The following TF variants were observed in gnomAD, a reference collection of about 807,000 sequenced individuals.
TF encodes the protein serotransferrin.
Under a neutral mutation model 82.4 loss-of-function variants are expected in TF, and 55 were observed. That is an observed-to-expected ratio of 0.67 (90% CI 0.54 to 0.84). The LOEUF is 0.84. TF is among the 40% of genes least tolerant of loss of function. TF has a pLI of 0.00. For synonymous variants in TF, 332 were observed against 332.6 expected (o/e 1.00, Z 0.02); for missense variants, 737 against 868.4 (o/e 0.85, Z 1.90).
the TF span, among the ~76,000 whole-genome samples, chr3:133,672,799 AAG>A: frequency 6.7e-6 from 1 of 148,702 alleles, no homozygotes; most frequent in Non-Finnish European, 1.5e-5. Context: ...AAAAGGAAAG[AAG>A]AGAGAAAGAG....
At chr3:133,713,679 T>C in the TF span, among the ~76,000 whole-genome samples, 2 of 152,176 alleles carry the variant, frequency 1.3e-5, no homozygotes, top group Non-Finnish European at 2.9e-5. Flanking sequence ...GATAGTAAGA[T>C]TTATGGTGGG....
chr3:133,706,169 G>T, the TF span, among the ~76,000 whole-genome samples: 5 of 152,322 alleles, frequency 3.3e-5, no homozygotes, highest in Admixed American at 1.3e-4. Context: ...CTGAGCACAT[G>T]CTGCCTGCCC....
At chr3:133,678,886 G>GTTTTGTTTTC in the TF span, among the ~76,000 whole-genome samples, 5 of 151,774 alleles carry the variant, frequency 3.3e-5, no homozygotes, top group Admixed American at 3.3e-4. Flanking sequence ...GTTTTGTTTT[G>GTTTTGTTTTC]TTTTGAGATG....
chr3:133,774,725 T>G (rs1484610279), intron 14 of TF: 2 of 200,810 alleles, frequency 1.0e-5, no homozygotes, highest in Non-Finnish European at 2.1e-5. Flanking sequence ...GTTATTCGGT[T>G]AAAGAAACAA....
chr3:133,671,130 C>G, the TF span, among the ~76,000 whole-genome samples: 1 of 152,230 alleles, frequency 6.6e-6, no homozygotes, highest in Non-Finnish European at 1.5e-5. Context: ...GTTCCTGTTA[C>G]TACTGTAACA....
At position 133,775,504 on chromosome 3, in the gene TF, A is replaced by G. The variant is rs1480091180; in HGVS notation, c.1759A>G (p.Arg587Gly). 6.2e-7 allele frequency: 1 copy of G among 1,614,238 alleles called. No individual in the cohort carries two copies. Among genetic ancestry groups the G allele is most frequent in the East Asian group, 2.2e-5 (1 of 44,880 alleles). ...DYELLCLDGT[R>G]KPVEEYANCH... ...TGAGTTGCTGTGCCTTGATGGTACC[A>G]GGAAACCTGTGGAGGAGTATGCGAA... is the stretch of plus-strand genomic sequence containing the variant. Residue 587 changes from arginine (R) to glycine (G), a missense_variant, in exon 15 of 17, where the codon AGG (arginine) becomes GGG (glycine). Coordinates refer to ENST00000402696, the MANE Select transcript of TF (RefSeq NM_001063.4).
At chr3:133,770,876 AC>A (rs988967536) in intron 14 of TF, 6 of 459,880 alleles carry the variant, frequency 1.3e-5, no homozygotes, top group African/African-American at 1.2e-4. Context: ...TCTCTTGCAT[AC>A]CCACAGTATG....
At chr3:133,704,899 C>T in the TF span, among the ~76,000 whole-genome samples, 83 of 147,734 alleles carry the variant, frequency 5.6e-4, 1 homozygote, top group African/African-American at 1.8e-3. Context: ...TCATCTGCTA[C>T]ATTATCTTTC....
At chr3:133,731,624 T>C in the TF span, among the ~76,000 whole-genome samples, 2 of 152,378 alleles carry the variant, frequency 1.3e-5, no homozygotes, top group African/African-American at 2.4e-5. Flanking sequence ...TTGGGTGTTC[T>C]GTAATAATGA....
At chr3:133,749,113 A>T (rs2107908183) in intron 2 of TF, among the ~76,000 whole-genome samples, 1 of 152,308 alleles carries the variant, frequency 6.6e-6, no homozygotes, top group Non-Finnish European at 1.5e-5. Context: ...GTGAGCCAAG[A>T]TCCTGCCACT....
the TF span, among the ~76,000 whole-genome samples, chr3:133,718,666 C>A: frequency 6.6e-6 from 1 of 152,160 alleles, no homozygotes. Context: ...CTGGGCCCCA[C>A]CTCCAGAGCC....
At chr3:133,723,635 CTTTTATTAT>C in the TF span, among the ~76,000 whole-genome samples, 5 of 77,420 alleles carry the variant, frequency 6.5e-5, no homozygotes, top group South Asian at 6.3e-4. Flanking sequence ...CTGTTTGGTT[CTTTTATTAT>C]TATTATTATT....
At chr3:133,695,742 T>C in the TF span, among the ~76,000 whole-genome samples, 1 of 152,192 alleles carries the variant, frequency 6.6e-6, no homozygotes, top group African/African-American at 2.4e-5. Context: ...CCAACCAAGG[T>C]GCAAAAATAT....
At chr3:133,690,896 C>G in the TF span, among the ~76,000 whole-genome samples, 1 of 152,096 alleles carries the variant, frequency 6.6e-6, no homozygotes, top group African/African-American at 2.4e-5. Context: ...GGCCTTCTTG[C>G]CCTTTTACCT....
chr3:133,718,244 A>G, the TF span, among the ~76,000 whole-genome samples: 5 of 152,170 alleles, frequency 3.3e-5, no homozygotes, highest in Admixed American at 3.3e-4. Flanking sequence ...TGTGATGAAA[A>G]GGGCCCAGTG....
intron 2 of TF, among the ~76,000 whole-genome samples, chr3:133,751,271 C>G (rs1444896849): frequency 2.9e-5 from 4 of 137,264 alleles, no homozygotes; most frequent in Non-Finnish European, 4.6e-5. Flanking sequence ...TTCGCTCTGT[C>G]GCCCAGGCTG....
the TF span, among the ~76,000 whole-genome samples, chr3:133,689,477 C>A: frequency 1.3e-5 from 2 of 152,120 alleles, no homozygotes; most frequent in East Asian, 3.9e-4. Context: ...AAAGTTAACT[C>A]ATAAATTTAG....
upstream of TF, chr3:133,746,143 C>T (rs1576352948): frequency 3.9e-6 from 2 of 507,466 alleles, no homozygotes; most frequent in Non-Finnish European, 7.2e-6. Context: ...TGGCACCGAG[C>T]GAGCCGCGAT....
At chr3:133,741,018 G>T in the TF span, among the ~76,000 whole-genome samples, 6 of 126,222 alleles carry the variant, frequency 4.8e-5, no homozygotes, top group Admixed American at 9.3e-5. Context: ...TTGAGACAGG[G>T]TCTCACTCTG....
Sources: allele counts gnomAD v4.1 joint callset (sites outside exome capture counted in the v4.1 genomes callset), GRCh38; gene constraint gnomAD v4.1.1; transcripts MANE v1.5; gene names NCBI Gene and HGNC (gene_info 2026-07-23, HGNC 2026-07-21).